Variants in MAP4K5 observed in about 807,000 individuals in gnomAD.
MAP4K5 encodes MAPK/ERK kinase kinase kinase 5.
A neutral mutation model predicts 135.6 loss-of-function variants in MAP4K5; 82 were observed. The observed-to-expected ratio is 0.60, with a 90% CI of 0.51 to 0.73. MAP4K5 has a LOEUF of 0.73. Ranked by LOEUF, MAP4K5 falls within the 30% of genes least tolerant of loss-of-function variation. The probability of loss-of-function intolerance (pLI) is 0.00; values close to 1 mark genes in which losing one functional copy is unlikely to be tolerated. For missense variants in MAP4K5, 907 were observed against 1,010.9 expected (o/e 0.90, Z 1.39); for synonymous variants, 347 against 335.0 (o/e 1.04, Z -0.39).
chr14:50,444,126 T>C, intron 18 of MAP4K5, 90 bp from the exon 19 acceptor site: 2 of 854,372 alleles, frequency 2.3e-6, no homozygotes, highest in South Asian at 2.9e-5. Context: ...TATTTGTCTT[T>C]CACTTGGGTG....
chr14:50,490,956 T>G (rs779256974), intron 3 of MAP4K5, among the ~76,000 whole-genome samples: 3 of 152,196 alleles, frequency 2.0e-5, no homozygotes, highest in Non-Finnish European at 4.4e-5. Flanking sequence ...CAGGTTGACA[T>G]AAAGCAGTTA....
At chr14:50,529,723 A>G (rs993450439) in intron 2 of MAP4K5, among the ~76,000 whole-genome samples, 12 of 152,188 alleles carry the variant, frequency 7.9e-5, no homozygotes, top group Non-Finnish European at 1.5e-4. Context: ...TGTGAAAAAA[A>G]GGAGGAAGGG....
chr14:50,424,047 C>T (rs758119497), intron 31 of MAP4K5, among the ~76,000 whole-genome samples: 41 of 152,036 alleles, frequency 2.7e-4, no homozygotes, highest in Non-Finnish European at 4.9e-4. Context: ...ATTCTCCATT[C>T]CTCATTCCAT....
At chr14:50,487,011 T>C (rs75691121) in intron 3 of MAP4K5, among the ~76,000 whole-genome samples, 216 of 152,286 alleles carry the variant, frequency 1.4e-3, no homozygotes, top group Non-Finnish European at 2.5e-3. Flanking sequence ...TTCACACAAG[T>C]CAGAGATATT....
At chr14:50,477,770 T>C (rs1034478444) in intron 6 of MAP4K5, among the ~76,000 whole-genome samples, 1 of 152,204 alleles carries the variant, frequency 6.6e-6, no homozygotes, top group Non-Finnish European at 1.5e-5. Context: ...ATGAAATGAT[T>C]TTTGGATATT....
intron 2 of MAP4K5, among the ~76,000 whole-genome samples, chr14:50,512,929 T>A (rs2037959771): frequency 6.6e-6 from 1 of 152,138 alleles, no homozygotes; most frequent in Non-Finnish European, 1.5e-5. Flanking sequence ...AGGAACTAAC[T>A]GGAGTACAAC....
intron 2 of MAP4K5, among the ~76,000 whole-genome samples, chr14:50,509,084 G>A (rs908788451): frequency 1.3e-5 from 2 of 152,022 alleles, no homozygotes; most frequent in African/African-American, 4.8e-5. Context: ...CCTTTGCAGG[G>A]ACACAGATGA....
chr14:50,481,543 A>G lies in MAP4K5; in HGVS notation c.378+818T>C, dbSNP rs571366911. On this transcript the variant is annotated intron_variant, in intron 6 of 32. Transcript: ENST00000682126. ...GGGATAGAAGCATTAATTAACAATT[A>G]TCAGTTGTAAATTACAAAAATACAA... Among the ~76,000 whole-genome samples, 22 of 152,262 alleles carry G rather than the reference A, an allele frequency of 1.4e-4. No individual in the cohort carries two copies. The East Asian group carries it at 4.0e-3, about 28-fold the overall frequency.
intron 1 of MAP4K5, among the ~76,000 whole-genome samples, chr14:50,552,145 A>C (rs1489979768): frequency 1.4e-4 from 22 of 152,252 alleles, no homozygotes; most frequent in Non-Finnish European, 2.6e-4. Flanking sequence ...AGACCTGATA[A>C]ATGAGTTCAG....
chr14:50,514,547 C>T (rs1192428117), intron 2 of MAP4K5, among the ~76,000 whole-genome samples: 1 of 152,132 alleles, frequency 6.6e-6, no homozygotes, highest in Non-Finnish European at 1.5e-5. Context: ...GTAAATACTA[C>T]AGAGTGTGAA....
At chr14:50,456,617 T>A (rs753050230) in intron 13 of MAP4K5, 23 bp from the exon 14 acceptor site, 11 of 1,421,182 alleles carry the variant, frequency 7.7e-6, no homozygotes, top group South Asian at 1.4e-5. Context: ...GCATAATATA[T>A]ATACTTTAAC....
At chr14:50,558,042 C>T (rs973237176) in intron 1 of MAP4K5, among the ~76,000 whole-genome samples, 8 of 152,154 alleles carry the variant, frequency 5.3e-5, no homozygotes, top group African/African-American at 1.9e-4. Flanking sequence ...TTTTTAAAAG[C>T]TTCCATTAAT....
intron 32 of MAP4K5, among the ~76,000 whole-genome samples, chr14:50,420,688 T>C (rs912761502): frequency 6.6e-6 from 1 of 152,070 alleles, no homozygotes; most frequent in African/African-American, 2.4e-5. Context: ...AAAGGTATAA[T>C]ATAATACTTT....
intron 2 of MAP4K5, among the ~76,000 whole-genome samples, chr14:50,518,052 G>C (rs997295974): frequency 1.2e-4 from 18 of 152,206 alleles, no homozygotes; most frequent in African/African-American, 3.6e-4. Flanking sequence ...ATCTGTACCT[G>C]CCCTGAGTTT....
At chr14:50,502,419 T>C (rs532707168) in intron 3 of MAP4K5, among the ~76,000 whole-genome samples, 1 of 152,140 alleles carries the variant, frequency 6.6e-6, no homozygotes, top group South Asian at 2.1e-4. Context: ...GAAGTAAATA[T>C]CTATAATAAC....
In MAP4K5 at chr14:50,419,240, G is replaced by A. The variant is rs963555812; in HGVS notation, c.*779C>T. On this transcript the variant is annotated 3_prime_UTR_variant, in exon 33 of 33. Coordinates refer to ENST00000682126, the MANE Select transcript of MAP4K5 (RefSeq NM_006575.6). ...TACATACACATGGTAGACACAGCTA[G>A]ACATACACACCCCTTCTAAGAATAT... The A allele has an allele frequency of 2.0e-5, 3 of 152,076 alleles. No homozygotes were observed. The highest frequency in any genetic ancestry group is 2.9e-5 in the Non-Finnish European group (2 of 67,992). 9.4% of individuals were successfully genotyped at this position (152,076 alleles called of 1,614,324 possible).
intron 9 of MAP4K5, among the ~76,000 whole-genome samples, chr14:50,470,272 C>A (rs1316151097): frequency 6.6e-6 from 1 of 152,002 alleles, no homozygotes; most frequent in Non-Finnish European, 1.5e-5. Context: ...GTGTGGCCCT[C>A]TTAAGAATGG....
At chr14:50,560,135 C>A in intron 1 of MAP4K5, 1 of 1,075,766 alleles carries the variant, frequency 9.3e-7, no homozygotes, top group Non-Finnish European at 1.4e-6. Context: ...AGCGCCACAG[C>A]AACATCCTCA....
At chr14:50,443,462 A>C (rs560162065) in intron 20 of MAP4K5, among the ~76,000 whole-genome samples, 10 of 152,212 alleles carry the variant, frequency 6.6e-5, no homozygotes, top group Non-Finnish European at 8.8e-5. Context: ...AGGACACAGT[A>C]CTATTAATAT....
Sources: gnomAD v4.1 joint callset for allele counts (sites outside exome capture counted in the v4.1 genomes callset) on GRCh38, gnomAD v4.1.1 for gene constraint, MANE v1.5 for transcripts, NCBI Gene and HGNC (gene_info 2026-07-23, HGNC 2026-07-21) for gene names.